Variants in GNAL observed in about 807,000 individuals in gnomAD.
GNAL encodes guanine nucleotide-binding protein G(olf) subunit alpha.
GNAL carries 18 observed loss-of-function variants against 55.1 expected under a neutral mutation model. The ratio of observed to expected loss-of-function variants is 0.33; its 90% CI spans 0.23 to 0.48. The LOEUF (loss-of-function observed/expected upper bound fraction) is 0.48. GNAL is among the 20% of genes least tolerant of loss of function. The pLI, the probability that GNAL is intolerant of heterozygous loss-of-function variation, is 0.99. For synonymous variants in GNAL, 253 were observed against 237.0 expected (o/e 1.07, Z -0.62); for missense variants, 412 against 614.1 (o/e 0.67, Z 3.48).
intron 4 of GNAL, among the ~76,000 whole-genome samples, chr18:11,786,732 T>A (rs2034073597): frequency 6.6e-6 from 1 of 151,810 alleles, no homozygotes; most frequent in African/African-American, 2.4e-5. Context: ...ATTACAGACG[T>A]GAGCCACCGT....
At chr18:11,713,244 G>A (rs567244774) in intron 1 of GNAL, among the ~76,000 whole-genome samples, 3 of 152,298 alleles carry the variant, frequency 2.0e-5, no homozygotes, top group African/African-American at 7.2e-5. Context: ...ACTTGTGTTC[G>A]GCAGACTCAA....
At chr18:11,806,884 C>G (rs879837482) in intron 4 of GNAL, among the ~76,000 whole-genome samples, 2 of 152,148 alleles carry the variant, frequency 1.3e-5, no homozygotes, top group Admixed American at 6.5e-5. Flanking sequence ...TAACCTGCAG[C>G]TCGAGCTCCT....
At position 11,818,495 on chromosome 18, in the gene GNAL, C is replaced by T. The variant is rs1037503055; in HGVS notation, c.625-6423C>T. On this transcript the variant is annotated intron_variant, in intron 4 of 11. Coordinates refer to ENST00000334049, the MANE Select transcript of GNAL (RefSeq NM_182978.4). ...TGGTGGACATTATTCACTAGGTTCC[C>T]GTAAAAGGTTACATTAAACAACTTA... is the stretch of plus-strand genomic sequence containing the variant. 3.9e-5 allele frequency among the ~76,000 whole-genome samples: 6 copies of T among 152,216 alleles called. No homozygotes were observed. In the South Asian group the frequency reaches 8.3e-4, roughly 21 times the overall value.
At chr18:11,753,433 T>G in intron 2 of GNAL, 195 bp from the exon 3 acceptor site, 2 of 536,270 alleles carry the variant, frequency 3.7e-6, no homozygotes, top group Non-Finnish European at 3.3e-6. Flanking sequence ...TCAAGTTTGT[T>G]TAGAGTACAA....
intron 1 of GNAL, among the ~76,000 whole-genome samples, chr18:11,702,773 G>A (rs2031603716): frequency 6.6e-6 from 1 of 151,704 alleles, no homozygotes; most frequent in Non-Finnish European, 1.5e-5. Flanking sequence ...TGAGAAGGGA[G>A]GCAGGACTGA....
intron 5 of GNAL, among the ~76,000 whole-genome samples, chr18:11,826,721 G>C (rs185097956): frequency 7.0e-4 from 107 of 152,270 alleles, no homozygotes; most frequent in African/African-American, 2.4e-3. Context: ...TACTGCAAAG[G>C]GGACATCTAG....
In GNAL at chr18:11,752,491, G is replaced by A; in HGVS notation, c.377-362G>A. 6.2e-7 allele frequency: 1 copy of A among 1,612,696 alleles called. No individual in the cohort carries two copies. Among genetic ancestry groups the A allele is most frequent in the South Asian group, 1.1e-5 (1 of 90,968 alleles). On this transcript the variant is annotated intron_variant, in intron 1 of 11. Transcript: ENST00000334049. The surrounding 1 kb of genome is among the most constrained non-coding windows in gnomAD (Gnocchi z 4.5). Reference sequence around the variant, plus strand: ...GGAAGACCAGGGCGTCGATGAAAAAGAACGACGCGAGGCCAACAAAAAGAT... The same window carrying A: ...GGAAGACCAGGGCGTCGATGAAAAAAAACGACGCGAGGCCAACAAAAAGAT...
At chr18:11,848,287 C>T (rs1567890375) in intron 5 of GNAL, among the ~76,000 whole-genome samples, 1 of 152,062 alleles carries the variant, frequency 6.6e-6, no homozygotes, top group Non-Finnish European at 1.5e-5. Context: ...AGGAGGAGAA[C>T]AGCCTTCTCT....
At chr18:11,794,759 TAAAAAAAAAAA>T (rs775143875) in intron 4 of GNAL, among the ~76,000 whole-genome samples, 1 of 90,376 alleles carries the variant, frequency 1.1e-5, no homozygotes, top group African/African-American at 4.1e-5. Context: ...ACACACAGGT[TAAAAAAAAAAA>T]AAAAAAAAAA....
At position 11,884,834 on chromosome 18, in the gene GNAL, G is replaced by T; in HGVS notation, c.*3699G>T. 2 of 1,392,436 alleles carry T rather than the reference G, an allele frequency of 1.4e-6. No homozygotes were observed. The highest frequency in any genetic ancestry group is 3.1e-5 in the South Asian group (2 of 65,560). 86.3% of individuals were successfully genotyped at this position (1,392,436 alleles called of 1,614,324 possible). ...GCCCAGGCTCCAGCAGGAGAGACAA[G>T]TAAGGCCCAAGTGTGCCTGAGTGGA... On this transcript the variant is annotated 3_prime_UTR_variant, in exon 12 of 12. Transcript: ENST00000334049.
chr18:11,810,214 G>A (rs1012921295), intron 4 of GNAL, among the ~76,000 whole-genome samples: 22 of 152,180 alleles, frequency 1.4e-4, no homozygotes, highest in African/African-American at 4.6e-4. Flanking sequence ...ACAACATAGC[G>A]AGAACCTGTC....
rs1555618372 is a variant in GNAL at position 11,882,841 on chromosome 18, G to A, written c.*1706G>A. 6.6e-6 allele frequency: 1 copy of A among 152,122 alleles called. No homozygotes were observed. The highest frequency in any genetic ancestry group is 1.5e-5 in the Non-Finnish European group (1 of 68,022). The allele number at this position is 152,122 out of a possible 1,614,324, so 9.4% of individuals were successfully genotyped here. A position where few individuals can be genotyped will look rare whatever the true frequency, so the allele number is the denominator to read the frequency against. ...ATACGGCTCTTTCTCACACTTGCAA[G>A]ACTTACAAATACAGCCTCAAACATT... On this transcript the variant is annotated 3_prime_UTR_variant, in exon 12 of 12. Coordinates refer to ENST00000334049, the MANE Select transcript of GNAL (RefSeq NM_182978.4).
At chr18:11,800,122 G>A (rs1199692539) in intron 4 of GNAL, among the ~76,000 whole-genome samples, 1 of 152,128 alleles carries the variant, frequency 6.6e-6, no homozygotes, top group Non-Finnish European at 1.5e-5. Flanking sequence ...AATGAACAAT[G>A]ATGTATATTC....
At chr18:11,820,888 C>T (rs936986845) in intron 4 of GNAL, among the ~76,000 whole-genome samples, 3 of 152,236 alleles carry the variant, frequency 2.0e-5, no homozygotes, top group Non-Finnish European at 4.4e-5. Context: ...ACAGTGCCTA[C>T]AATCCCTGTT....
At chr18:11,873,200 C>T (rs1024895635) in intron 10 of GNAL, among the ~76,000 whole-genome samples, 1 of 152,234 alleles carries the variant, frequency 6.6e-6, no homozygotes, top group African/African-American at 2.4e-5. Flanking sequence ...GAATAAAAGA[C>T]ACTTTCCTGG....
intron 4 of GNAL, among the ~76,000 whole-genome samples, chr18:11,764,801 A>T (rs1568016374): frequency 6.6e-6 from 1 of 152,142 alleles, no homozygotes; most frequent in East Asian, 1.9e-4. Flanking sequence ...CAACAAAAAA[A>T]AGAAAATGGA....
intron 5 of GNAL, among the ~76,000 whole-genome samples, chr18:11,847,664 A>G (rs183791139): frequency 6.6e-6 from 1 of 152,240 alleles, no homozygotes; most frequent in East Asian, 1.9e-4. Context: ...AAATTTGGCT[A>G]TGGGACTTGC....
chr18:11,753,487 C>A, intron 2 of GNAL, 141 bp from the exon 3 acceptor site: 2 of 585,952 alleles, frequency 3.4e-6, no homozygotes, highest in Non-Finnish European at 6.1e-6. Context: ...AAAACCTTTG[C>A]GGATGTCTTG....
At chr18:11,698,371 A>G (rs965486831) in intron 1 of GNAL, among the ~76,000 whole-genome samples, 1 of 151,854 alleles carries the variant, frequency 6.6e-6, no homozygotes, top group South Asian at 2.1e-4. Flanking sequence ...CACGCCTGTG[A>G]TCCCAGCTAC....
Sources: gnomAD v4.1 joint callset for allele counts (sites outside exome capture counted in the v4.1 genomes callset) on GRCh38, gnomAD v4.1.1 for gene constraint, Gnocchi (gnomAD v3.1) non-coding constraint, MANE v1.5 for transcripts, NCBI Gene and HGNC (gene_info 2026-07-23, HGNC 2026-07-21) for gene names.